The following DGKB variants were observed in gnomAD, a reference collection of about 807,000 sequenced individuals.
The protein encoded by DGKB is 90 kDa diacylglycerol kinase.
In DGKB, 67 loss-of-function variants were observed where a neutral mutation model predicts 114.3. The ratio of observed to expected loss-of-function variants is 0.59; its 90% CI spans 0.48 to 0.72. DGKB has a LOEUF of 0.72. Among genes scored for constraint, DGKB ranks in the 30% least tolerant of loss-of-function variants. DGKB has a pLI of 0.00. For missense variants in DGKB, 907 were observed against 975.2 expected (o/e 0.93, Z 0.93); for synonymous variants, 398 against 323.1 (o/e 1.23, Z -2.49).
At chr7:14,748,517 A>G (rs565811868) in intron 4 of DGKB, among the ~76,000 whole-genome samples, 1 of 152,244 alleles carries the variant, frequency 6.6e-6, no homozygotes, top group South Asian at 2.1e-4. Flanking sequence ...TGCTAGAGAA[A>G]TTTCCACTGG....
chr7:14,558,854 A>G (rs139747171), intron 20 of DGKB, among the ~76,000 whole-genome samples: 3 of 152,172 alleles, frequency 2.0e-5, no homozygotes, highest in East Asian at 3.9e-4. Flanking sequence ...TGCTTACTCA[A>G]CCCACTTGGG....
chr7:14,815,162 A>G (rs1176416934), intron 2 of DGKB: 6 of 152,208 alleles, frequency 3.9e-5, no homozygotes, highest in Non-Finnish European at 8.8e-5. Flanking sequence ...CCATCTTTAT[A>G]GTGGCTGCTT....
intron 12 of DGKB, among the ~76,000 whole-genome samples, chr7:14,679,397 T>C (rs1033658221): frequency 6.6e-6 from 1 of 152,002 alleles, no homozygotes; most frequent in African/African-American, 2.4e-5. Context: ...TTGTCTAAAC[T>C]GGTTACATAA....
chr7:14,619,934 A>T (rs1156679686), intron 15 of DGKB, among the ~76,000 whole-genome samples: 1 of 151,684 alleles, frequency 6.6e-6, no homozygotes, highest in African/African-American at 2.4e-5. Context: ...TGTGAAATAC[A>T]ATTAGATTTC....
In DGKB at chr7:14,605,657, A is replaced by C. The variant is rs557361840; in HGVS notation, c.1433+1777T>G. Among the ~76,000 whole-genome samples the C allele has an allele frequency of 4.3e-4, 65 of 152,158 alleles. 1 individual carries two copies. In the South Asian group the frequency reaches 0.011, roughly 25 times the overall value. On this transcript the variant is annotated intron_variant, in intron 17 of 25. Coordinates refer to ENST00000402815, the MANE Select transcript of DGKB (RefSeq NM_001350709.2). ...GGATGCCTAGAACTGAAAGAGTAGAAGGAAACATGTAGTACATATTTAAAG... is the reference window on the plus strand; with the variant it reads ...GGATGCCTAGAACTGAAAGAGTAGACGGAAACATGTAGTACATATTTAAAG...
Position 14,872,544 on chromosome 7 carries a change from G to A in DGKB, c.-188+30048C>T, listed in dbSNP as rs570408434. ...GTAGGTCCTATTTAAGGTAGATACTGGATAAATTTTGGTTAAACGAATAAT... is the reference window on the plus strand; with the variant it reads ...GTAGGTCCTATTTAAGGTAGATACTAGATAAATTTTGGTTAAACGAATAAT... On this transcript the variant is annotated intron_variant, in intron 1 of 25. Coordinates refer to ENST00000402815, the MANE Select transcript of DGKB (RefSeq NM_001350709.2). Among the ~76,000 whole-genome samples the A allele has an allele frequency of 3.3e-5, 5 of 152,246 alleles. No individual in the cohort carries two copies. In the Middle Eastern group the frequency reaches 0.01, roughly 311 times the overall value.
At chr7:14,540,825 G>C (rs529377484) in intron 20 of DGKB, among the ~76,000 whole-genome samples, 1 of 152,148 alleles carries the variant, frequency 6.6e-6, no homozygotes, top group Admixed American at 6.5e-5. Flanking sequence ...TGGCTGAGGG[G>C]AAATGTAGCC....
chr7:14,860,738 C>T (rs1467573037), intron 1 of DGKB, among the ~76,000 whole-genome samples: 1 of 151,746 alleles, frequency 6.6e-6, no homozygotes, highest in Admixed American at 6.6e-5. Flanking sequence ...TAATAAGAAC[C>T]TCCTTGGCTT....
chr7:14,265,903 TG>T (rs1797443680), intron 23 of DGKB, among the ~76,000 whole-genome samples: 1 of 152,192 alleles, frequency 6.6e-6, no homozygotes, highest in Non-Finnish European at 1.5e-5. Context: ...GGGGTGTTTA[TG>T]TGAATTTTAG....
At chr7:14,312,376 A>G (rs7781574) in intron 23 of DGKB, among the ~76,000 whole-genome samples, 110,363 of 152,136 alleles carry the variant, frequency 0.73, 40,164 homozygotes, top group South Asian at 0.74. Flanking sequence ...GCACTGATGA[A>G]GCAAAACAAT....
intron 5 of DGKB, among the ~76,000 whole-genome samples, chr7:14,733,412 C>T (rs185776106): frequency 1.9e-4 from 29 of 152,242 alleles, no homozygotes; most frequent in South Asian, 8.3e-4. Context: ...GAAGGCCAGA[C>T]GCCATGGCTC....
chr7:14,689,212 T>TTATTTTTTA (rs1563917755), intron 9 of DGKB, among the ~76,000 whole-genome samples: 17 of 130,492 alleles, frequency 1.3e-4, no homozygotes, highest in South Asian at 2.7e-4. Context: ...TTTTTTTTTT[T>TTATTTTTTA]TTTTTTTTTT....
intron 22 of DGKB, among the ~76,000 whole-genome samples, chr7:14,344,053 T>C (rs939272414): frequency 2.0e-5 from 3 of 149,058 alleles, no homozygotes; most frequent in African/African-American, 7.3e-5. Context: ...TATATAGATA[T>C]ACATGCATAT....
chr7:14,433,573 A>G (rs1243409706), intron 21 of DGKB, among the ~76,000 whole-genome samples: 2 of 152,170 alleles, frequency 1.3e-5, no homozygotes, highest in Non-Finnish European at 2.9e-5. Context: ...AAACCACTAC[A>G]TAAGTGAAAG....
At chr7:14,225,451 C>A (rs1257338258) in intron 23 of DGKB, among the ~76,000 whole-genome samples, 1 of 152,038 alleles carries the variant, frequency 6.6e-6, no homozygotes, top group East Asian at 1.9e-4. Flanking sequence ...GACTTAAACA[C>A]TTTCTTAAAG....
intron 2 of DGKB, among the ~76,000 whole-genome samples, chr7:14,782,873 G>A (rs1466479798): frequency 6.6e-6 from 1 of 151,828 alleles, no homozygotes; most frequent in Non-Finnish European, 1.5e-5. Context: ...CTTGTTCTGT[G>A]GCCCAGGCTG....
At chr7:14,838,002 C>T (rs1017956370) in intron 2 of DGKB, among the ~76,000 whole-genome samples, 4 of 152,096 alleles carry the variant, frequency 2.6e-5, no homozygotes, top group Non-Finnish European at 5.9e-5. Context: ...CTCATAGAAT[C>T]CATTTTAATA....
At chr7:14,368,330 C>A (rs1414733203) in intron 21 of DGKB, among the ~76,000 whole-genome samples, 1 of 152,130 alleles carries the variant, frequency 6.6e-6, no homozygotes, top group Admixed American at 6.6e-5. Flanking sequence ...TATAGTATCA[C>A]ACAGAATAAT....
chr7:14,658,429 G>A (rs533947549), intron 13 of DGKB, among the ~76,000 whole-genome samples: 2 of 151,942 alleles, frequency 1.3e-5, no homozygotes, highest in East Asian at 3.9e-4. Flanking sequence ...TTGCATGTTT[G>A]TGGAGTAGGG....
Sources: allele counts gnomAD v4.1 joint callset (sites outside exome capture counted in the v4.1 genomes callset), GRCh38; gene constraint gnomAD v4.1.1; transcripts MANE v1.5; gene names NCBI Gene and HGNC (gene_info 2026-07-23, HGNC 2026-07-21).